The following CNTNAP5 variants were observed in gnomAD, a reference collection of about 807,000 sequenced individuals.
CNTNAP5 encodes the protein contactin associated protein family member 5, also known as contactin-associated protein-like 5.
A neutral mutation model predicts 150.2 loss-of-function variants in CNTNAP5; 72 were observed. That is an observed-to-expected ratio of 0.48 (90% confidence interval 0.40 to 0.58). The LOEUF (loss-of-function observed/expected upper bound fraction) is 0.58. Ranked by LOEUF, CNTNAP5 falls within the 20% of genes least tolerant of loss-of-function variation. The pLI is 0.00. For synonymous variants in CNTNAP5, 672 were observed against 619.8 expected (o/e 1.08, Z -1.25); for missense variants, 1,636 against 1,626.2 (o/e 1.01, Z -0.10).
intron 1 of CNTNAP5, among the ~76,000 whole-genome samples, chr2:124,207,365 G>A (rs775151682): frequency 1.3e-5 from 2 of 152,164 alleles, no homozygotes; most frequent in African/African-American, 4.8e-5. Context: ...TGTCATCAAA[G>A]CTAAACTTAA....
chr2:124,157,483 T>A (rs1271654674), intron 1 of CNTNAP5, among the ~76,000 whole-genome samples: 2 of 152,188 alleles, frequency 1.3e-5, no homozygotes, highest in Non-Finnish European at 2.9e-5. Flanking sequence ...TATGTTTCTT[T>A]TTCAGTATTC....
intron 3 of CNTNAP5, among the ~76,000 whole-genome samples, chr2:124,407,311 T>A (rs1000942344): frequency 1.4e-4 from 22 of 152,348 alleles, no homozygotes; most frequent in Middle Eastern, 6.8e-3. Context: ...TTATAGCTAA[T>A]AAATTATTTA....
chr2:124,823,228 G>C (rs1182334664), intron 19 of CNTNAP5, among the ~76,000 whole-genome samples: 1 of 152,088 alleles, frequency 6.6e-6, no homozygotes, highest in Non-Finnish European at 1.5e-5. Flanking sequence ...TTTCCTTGTG[G>C]GATGATTCTG....
At chr2:124,632,661 T>C (rs562522138) in intron 12 of CNTNAP5, among the ~76,000 whole-genome samples, 2 of 152,142 alleles carry the variant, frequency 1.3e-5, no homozygotes, top group East Asian at 1.9e-4. Context: ...CACATGTTTA[T>C]GTATGTTACA....
chr2:124,485,222 C>G (rs1693843477), intron 7 of CNTNAP5, among the ~76,000 whole-genome samples: 1 of 152,250 alleles, frequency 6.6e-6, no homozygotes, highest in Non-Finnish European at 1.5e-5. Context: ...AAATCAGGTA[C>G]TTTCTCTAGC....
intron 3 of CNTNAP5, among the ~76,000 whole-genome samples, chr2:124,394,864 C>T (rs946386011): frequency 6.6e-6 from 1 of 152,184 alleles, no homozygotes; most frequent in Non-Finnish European, 1.5e-5. Flanking sequence ...TCTTGTGAAG[C>T]TCCAATTCAG....
At chr2:124,349,095 T>C (rs968414664) in intron 3 of CNTNAP5, among the ~76,000 whole-genome samples, 3 of 152,204 alleles carry the variant, frequency 2.0e-5, no homozygotes, top group Non-Finnish European at 4.4e-5. Context: ...GCTTAAAATA[T>C]AGTCATGTCA....
At chr2:124,872,374 CTGTGTGTGTGTGTGTGTGTGTGTGTG>C (rs56024878) in intron 21 of CNTNAP5, among the ~76,000 whole-genome samples, 1 of 139,336 alleles carries the variant, frequency 7.2e-6, no homozygotes, top group Non-Finnish European at 1.6e-5. Context: ...TTTCCTTATG[CTGTGTGTGTGTGTGTGTGTGTGTGTG>C]TGTGTGTGTG....
intron 11 of CNTNAP5, among the ~76,000 whole-genome samples, chr2:124,568,768 G>C (rs10209719): frequency 6.6e-6 from 1 of 152,124 alleles, no homozygotes; most frequent in Non-Finnish European, 1.5e-5. Flanking sequence ...TTTTCTGGCC[G>C]GGCGCGGTGG....
chr2:124,639,788 T>C (rs761814549), intron 12 of CNTNAP5, among the ~76,000 whole-genome samples: 4 of 152,186 alleles, frequency 2.6e-5, no homozygotes, highest in Non-Finnish European at 5.9e-5. Context: ...CATAAAGCTT[T>C]CTAATGGCAA....
chr2:124,280,417 G>A (rs1029030342), intron 3 of CNTNAP5, among the ~76,000 whole-genome samples: 3 of 151,934 alleles, frequency 2.0e-5, no homozygotes, highest in South Asian at 2.1e-4. Flanking sequence ...AAATCCACCC[G>A]CCTTGGCCTC....
In CNTNAP5 at chr2:124,913,623, C is replaced by G. The variant is rs574846100; in HGVS notation, c.3728-469C>G. ...TTAGCAAAACAAACGTAACATAAAA[C>G]AAATTTACATCAGGAGAGCATGTGT... On this transcript the variant is annotated intron_variant, in intron 23 of 23. Transcript: ENST00000682447. Among the ~76,000 whole-genome samples the G allele has an allele frequency of 4.6e-4, 70 of 152,128 alleles. 1 individual carries two copies. In the South Asian group the frequency reaches 6.4e-3, roughly 14 times the overall value.
chr2:124,412,232 A>T (rs1174726949), intron 3 of CNTNAP5, among the ~76,000 whole-genome samples: 8 of 145,546 alleles, frequency 5.5e-5, no homozygotes, highest in Admixed American at 2.1e-4. Flanking sequence ...ATAAAAGAGG[A>T]TACAAACAAA....
chr2:124,190,359 G>A (rs1463354008), intron 1 of CNTNAP5, among the ~76,000 whole-genome samples: 1 of 152,222 alleles, frequency 6.6e-6, no homozygotes, highest in Admixed American at 6.5e-5. Context: ...CAATGCTAAA[G>A]GTTCCATTAG....
At chr2:124,181,593 A>G (rs1341255773) in intron 1 of CNTNAP5, among the ~76,000 whole-genome samples, 1 of 152,186 alleles carries the variant, frequency 6.6e-6, no homozygotes, top group Non-Finnish European at 1.5e-5. Context: ...ATTGAATTAC[A>G]TGAAAATTGT....
At chr2:124,572,279 A>ATTT (rs1366236893) in intron 11 of CNTNAP5, among the ~76,000 whole-genome samples, 6 of 152,050 alleles carry the variant, frequency 3.9e-5, no homozygotes, top group African/African-American at 1.4e-4. Context: ...AGTCTTCTTA[A>ATTT]AAGGAAACAG....
At chr2:124,172,414 T>C (rs1021765729) in intron 1 of CNTNAP5, among the ~76,000 whole-genome samples, 47 of 152,092 alleles carry the variant, frequency 3.1e-4, no homozygotes, top group African/African-American at 9.7e-4. Flanking sequence ...CCTTTTCTCT[T>C]TTTCTTTCTT....
intron 1 of CNTNAP5, among the ~76,000 whole-genome samples, chr2:124,034,938 A>C (rs1213973): frequency 6.6e-6 from 1 of 151,616 alleles, no homozygotes; most frequent in Non-Finnish European, 1.5e-5. Flanking sequence ...TTTTGGGTTA[A>C]AAATCAGGTA....
chr2:124,189,488 G>A (rs1026347140), intron 1 of CNTNAP5, among the ~76,000 whole-genome samples: 6 of 152,024 alleles, frequency 3.9e-5, no homozygotes, highest in East Asian at 1.9e-4. Context: ...CTCAGTTGCC[G>A]CAACTTTGAA....
Sources: allele counts gnomAD v4.1 joint callset (sites outside exome capture counted in the v4.1 genomes callset), GRCh38; gene constraint gnomAD v4.1.1; transcripts MANE v1.5; gene names NCBI Gene and HGNC (gene_info 2026-07-23, HGNC 2026-07-21).